Variants in FBXO8 observed in about 807,000 individuals in gnomAD.
The protein encoded by FBXO8 is F-box only protein 8.
FBXO8 carries 15 observed loss-of-function variants against 33.4 expected under a neutral mutation model. The observed-to-expected ratio is 0.45, with a 90% CI of 0.30 to 0.69. The LOEUF (loss-of-function observed/expected upper bound fraction) is 0.69. Among genes scored for constraint, FBXO8 ranks in the 30% least tolerant of loss-of-function variants. The pLI, the probability that FBXO8 is intolerant of heterozygous loss-of-function variation, is 0.08. For synonymous variants in FBXO8, 132 were observed against 131.5 expected (o/e 1.00, Z -0.02); for missense variants, 274 against 380.3 (o/e 0.72, Z 2.32).
At position 174,247,263 on chromosome 4, in the gene FBXO8, T is replaced by C. The variant is rs991099517; in HGVS notation, c.457-6045A>G. ...GATGTTTTGTTTTGTTTTATTGGTG[T>C]CACTAATAAAACAAAACTGTCACAT... On this transcript the variant is annotated intron_variant, in intron 3 of 5. Coordinates refer to ENST00000393674, the MANE Select transcript of FBXO8 (RefSeq NM_012180.3). The surrounding 1 kb of genome is among the most constrained non-coding windows in gnomAD (Gnocchi z 4.6). Among the ~76,000 whole-genome samples, 2 of 152,038 alleles carry C rather than the reference T, an allele frequency of 1.3e-5. No homozygotes were observed. The highest frequency in any genetic ancestry group is 4.8e-5 in the African/African-American group (2 of 41,436).
rs1736866551 is a variant in FBXO8, at chr4:174,272,734, G to A, written c.-8-9634C>T. Among the ~76,000 whole-genome samples, 1 of 152,114 alleles carries A rather than the reference G, an allele frequency of 6.6e-6. No individual in the cohort carries two copies. The highest frequency in any genetic ancestry group is 6.6e-5 in the Admixed American group (1 of 15,266). ...TGAATCTGGAGTTTGACAAAGAATG[G>A]AATACTTACAGAATCCCAAAGTATC... On this transcript the variant is annotated intron_variant, in intron 1 of 5. Transcript: ENST00000393674. The surrounding 1 kb of genome is among the most constrained non-coding windows in gnomAD (Gnocchi z 4.7).
Position 174,283,133 on chromosome 4 carries a change from G to T in FBXO8, c.-9+277C>A, listed in dbSNP as rs1015310775. On this transcript the variant is annotated intron_variant, in intron 1 of 5. Transcript: ENST00000393674. The surrounding 1 kb of genome is among the most constrained non-coding windows in gnomAD (Gnocchi z 6.7). ...TTTCTCAGGTTTATTTCACAATGACGCTGGGTTACTACTTGGAGTCCTAAA... is the reference window on the plus strand; with the variant it reads ...TTTCTCAGGTTTATTTCACAATGACTCTGGGTTACTACTTGGAGTCCTAAA... Among the ~76,000 whole-genome samples the T allele has an allele frequency of 3.3e-5, 5 of 152,144 alleles. No individual in the cohort carries two copies. Among genetic ancestry groups the T allele is most frequent in the African/African-American group, 1.2e-4 (5 of 41,432 alleles).
rs1560864932 is a variant in FBXO8 at position 174,241,313 on chromosome 4, T to A, written c.457-95A>T. The A allele has an allele frequency of 1.5e-6, 1 of 649,968 alleles. No homozygotes were observed. 40.3% of individuals were successfully genotyped at this position (649,968 alleles called of 1,614,324 possible). On this transcript the variant is annotated intron_variant, in intron 3 of 5. Transcript: ENST00000393674. This position sits in a 1 kb window ranked among gnomAD's most constrained non-coding sequence, Gnocchi z 4.2. ...AGCACAACAGTAGCTATAAATTCTT[T>A]CCAGCATTAATAGACTTTTTGTAGC...
rs1002861652 is a variant in FBXO8, at chr4:174,245,682, T to C, written c.457-4464A>G. On this transcript the variant is annotated intron_variant, in intron 3 of 5. Coordinates refer to ENST00000393674, the MANE Select transcript of FBXO8 (RefSeq NM_012180.3). This position sits in a 1 kb window ranked among gnomAD's most constrained non-coding sequence, Gnocchi z 4.6. Reference sequence around the variant, plus strand: ...TTGGCAGCAATATAAAGATAAATAATGAAAGAAAAATTAGATAGTGGGCTA... The same window carrying C: ...TTGGCAGCAATATAAAGATAAATAACGAAAGAAAAATTAGATAGTGGGCTA... 6.6e-6 allele frequency among the ~76,000 whole-genome samples: 1 copy of C among 151,634 alleles called. No individual in the cohort carries two copies. The highest frequency in any genetic ancestry group is 1.5e-5 in the Non-Finnish European group (1 of 67,868).
rs1736183611 is a variant in FBXO8 at position 174,247,351 on chromosome 4, T to A, written c.457-6133A>T. Among the ~76,000 whole-genome samples, 1 of 151,990 alleles carries A rather than the reference T, an allele frequency of 6.6e-6. No individual in the cohort carries two copies. Among genetic ancestry groups the A allele is most frequent in the Admixed American group, 6.6e-5 (1 of 15,228 alleles). On this transcript the variant is annotated intron_variant, in intron 3 of 5. Coordinates refer to ENST00000393674, the MANE Select transcript of FBXO8 (RefSeq NM_012180.3). This position sits in a 1 kb window ranked among gnomAD's most constrained non-coding sequence, Gnocchi z 4.6. ...CATAGTAAAGAAATTTAGAAAAAAA[T>A]TTGATTTAGCAAGTTTTGTTCAATT...
At position 174,259,076 on chromosome 4, in the gene FBXO8, T is replaced by C. The variant is rs1736482342; in HGVS notation, c.456+623A>G. ...AAATCTGAACTTTTCCATGACATAG[T>C]AAAATAAGAATAGAGAAAAAAAAAA... On this transcript the variant is annotated intron_variant, in intron 3 of 5. Transcript: ENST00000393674. The surrounding 1 kb of genome is among the most constrained non-coding windows in gnomAD (Gnocchi z 4.3). Among the ~76,000 whole-genome samples, 1 of 151,642 alleles carries C rather than the reference T, an allele frequency of 6.6e-6. No individual in the cohort carries two copies.
chr4:174,256,941 T>A lies in FBXO8; in HGVS notation c.456+2758A>T, dbSNP rs1313098464. 6.6e-6 allele frequency among the ~76,000 whole-genome samples: 1 copy of A among 151,854 alleles called. No individual in the cohort carries two copies. Among genetic ancestry groups the A allele is most frequent in the African/African-American group, 2.4e-5 (1 of 41,348 alleles). On this transcript the variant is annotated intron_variant, in intron 3 of 5. Transcript: ENST00000393674. The surrounding 1 kb of genome is among the most constrained non-coding windows in gnomAD (Gnocchi z 4.6). ...AAAAAAAAAAGAAAATACAGCCAAC[T>A]CTCAATAACAATGGAAGGTAGGATA...
At position 174,265,159 on chromosome 4, in the gene FBXO8, A is replaced by G. The variant is rs1736664970; in HGVS notation, c.-8-2059T>C. Reference sequence around the variant, plus strand: ...TGTAGGAATGCAAAATGATACAACCACTTTGGAAGACAGGTAGTTTCTTTA... The same window carrying G: ...TGTAGGAATGCAAAATGATACAACCGCTTTGGAAGACAGGTAGTTTCTTTA... On this transcript the variant is annotated intron_variant, in intron 1 of 5. Transcript: ENST00000393674. This position sits in a 1 kb window ranked among gnomAD's most constrained non-coding sequence, Gnocchi z 4.7. 6.6e-6 allele frequency among the ~76,000 whole-genome samples: 1 copy of G among 152,126 alleles called. No homozygotes were observed. Among genetic ancestry groups the G allele is most frequent in the African/African-American group, 2.4e-5 (1 of 41,444 alleles).
chr4:174,239,926 T>C (rs1053934474), intron 4 of FBXO8, among the ~76,000 whole-genome samples: 2 of 151,690 alleles, frequency 1.3e-5, no homozygotes, highest in African/African-American at 4.8e-5. Context: ...TATGATCAAA[T>C]CTTCAACTTC....
chr4:174,280,819 C>T (rs759126386), intron 1 of FBXO8, among the ~76,000 whole-genome samples: 1 of 152,094 alleles, frequency 6.6e-6, no homozygotes, highest in Admixed American at 6.5e-5. Context: ...CAAACACTTC[C>T]GGTTTCCAAA....
In FBXO8 at chr4:174,269,375, C is replaced by T. The variant is rs906767705; in HGVS notation, c.-8-6275G>A. ...AAGCAATCGCAACTGTACATTTTCT[C>T]CTTATTTTTCAGAATGGTAATAAAA... On this transcript the variant is annotated intron_variant, in intron 1 of 5. Transcript: ENST00000393674. 5.3e-5 allele frequency among the ~76,000 whole-genome samples: 8 copies of T among 152,186 alleles called. No homozygotes were observed. In the East Asian group the frequency reaches 5.8e-4, roughly 11 times the overall value.
Position 174,241,237 on chromosome 4 carries a change from T to C in FBXO8, c.457-19A>G. 8 of 1,429,692 alleles carry C rather than the reference T, an allele frequency of 5.6e-6. No homozygotes were observed. The highest frequency in any genetic ancestry group is 1.9e-5 in the Admixed American group (1 of 51,946). The allele number at this position is 1,429,692 out of a possible 1,614,324, so 88.6% of individuals were successfully genotyped here. A position where few individuals can be genotyped will look rare whatever the true frequency, so the allele number is the denominator to read the frequency against. ...TCACTCCCTAAGGCAGAAAGACAAGTCTACATAAATAAAATTGCTCTTTAT... is the reference window on the plus strand; with the variant it reads ...TCACTCCCTAAGGCAGAAAGACAAGCCTACATAAATAAAATTGCTCTTTAT... On this transcript the variant is annotated intron_variant, in intron 3 of 5. Transcript: ENST00000393674. This position sits in a 1 kb window ranked among gnomAD's most constrained non-coding sequence, Gnocchi z 4.2.
At chr4:174,282,468 G>A (rs191032377) in intron 1 of FBXO8, among the ~76,000 whole-genome samples, 1 of 152,178 alleles carries the variant, frequency 6.6e-6, no homozygotes, top group East Asian at 1.9e-4. Context: ...AGGTTAATTG[G>A]CTAAAGATGA....
chr4:174,259,639 A>C lies in FBXO8; in HGVS notation c.456+60T>G. The C allele has an allele frequency of 1.3e-6, 2 of 1,558,762 alleles. No homozygotes were observed. Among genetic ancestry groups the C allele is most frequent in the Non-Finnish European group, 1.7e-6 (2 of 1,159,090 alleles). ...TTCCCTGCTAGTTTATGATATTGGA[A>C]AGCTGCAGCAAGATAGTAATAAAGG... is the stretch of plus-strand genomic sequence containing the variant. On this transcript the variant is annotated intron_variant, in intron 3 of 5. Coordinates refer to ENST00000393674, the MANE Select transcript of FBXO8 (RefSeq NM_012180.3). The surrounding 1 kb of genome is among the most constrained non-coding windows in gnomAD (Gnocchi z 4.3).
Position 174,281,862 on chromosome 4 carries a change from T to C in FBXO8, c.-9+1548A>G, listed in dbSNP as rs1737097490. On this transcript the variant is annotated intron_variant, in intron 1 of 5. Transcript: ENST00000393674. The surrounding 1 kb of genome is among the most constrained non-coding windows in gnomAD (Gnocchi z 4.6). ...CAGAAATAGATGTATTTCATTTAAATTGTTTAAAAAATTATTTAAGTAAAA... is the reference window on the plus strand; with the variant it reads ...CAGAAATAGATGTATTTCATTTAAACTGTTTAAAAAATTATTTAAGTAAAA... 6.6e-6 allele frequency among the ~76,000 whole-genome samples: 1 copy of C among 152,170 alleles called. No homozygotes were observed. Among genetic ancestry groups the C allele is most frequent in the Admixed American group, 6.5e-5 (1 of 15,272 alleles).
chr4:174,268,183 G>C (rs1194562921), intron 1 of FBXO8, among the ~76,000 whole-genome samples: 1 of 152,144 alleles, frequency 6.6e-6, no homozygotes, highest in East Asian at 1.9e-4. Flanking sequence ...TACAGGGTTA[G>C]GTTACTGTAA....
In FBXO8 at chr4:174,257,129, G is replaced by C. The variant is rs185455705; in HGVS notation, c.456+2570C>G. Among the ~76,000 whole-genome samples the C allele has an allele frequency of 6.6e-6, 1 of 152,100 alleles. No homozygotes were observed. Among genetic ancestry groups the C allele is most frequent in the South Asian group, 2.1e-4 (1 of 4,830 alleles). Reference sequence around the variant, plus strand: ...CCCCCTCTCCAAACACCCTAGAGGAGGTACTAACAAGAACTGTATAGTTTG... The same window carrying C: ...CCCCCTCTCCAAACACCCTAGAGGACGTACTAACAAGAACTGTATAGTTTG... On this transcript the variant is annotated intron_variant, in intron 3 of 5. Transcript: ENST00000393674. This position sits in a 1 kb window ranked among gnomAD's most constrained non-coding sequence, Gnocchi z 4.3.
At chr4:174,268,617 T>C (rs1736755533) in intron 1 of FBXO8, among the ~76,000 whole-genome samples, 1 of 146,896 alleles carries the variant, frequency 6.8e-6, no homozygotes, top group South Asian at 2.2e-4. Flanking sequence ...TTGTATTTTT[T>C]AGTAGAGACG....
intron 3 of FBXO8, among the ~76,000 whole-genome samples, chr4:174,246,829 A>C (rs1466218561): frequency 6.6e-6 from 1 of 152,038 alleles, no homozygotes; most frequent in Admixed American, 6.6e-5. Context: ...AGCAGAAAAC[A>C]AAGAACATGT....
Sources: allele counts gnomAD v4.1 joint callset (sites outside exome capture counted in the v4.1 genomes callset), GRCh38; gene constraint gnomAD v4.1.1; non-coding constraint Gnocchi (gnomAD v3.1); transcripts MANE v1.5; gene names NCBI Gene and HGNC (gene_info 2026-07-23, HGNC 2026-07-21).